Variants in LAMC2 observed in about 807,000 individuals in gnomAD.
LAMC2 encodes the protein laminin subunit gamma 2, also known as laminin subunit gamma-2.
A neutral mutation model predicts 140.2 loss-of-function variants in LAMC2; 97 were observed. The ratio of observed to expected loss-of-function variants is 0.69; its 90% CI spans 0.59 to 0.82. The LOEUF is 0.82. Among genes scored for constraint, LAMC2 ranks in the 40% least tolerant of loss-of-function variants. The pLI, the probability that LAMC2 is intolerant of heterozygous loss-of-function variation, is 0.00. For synonymous variants in LAMC2, 513 were observed against 540.2 expected, an observed-to-expected ratio of 0.95 and a Z score of 0.70; for missense variants, 1,402 against 1,476.1, an observed-to-expected ratio of 0.95 and a Z score of 0.82.
rs141968850 is a variant in LAMC2 at position 183,244,030 on chromosome 1, C to G, written c.*630C>G. ...GGCCCATTCAGAGCTATGGTGCTTGCTGGTGCCTGCCACCTTCAAGTTCTG... is the reference window on the plus strand; with the variant it reads ...GGCCCATTCAGAGCTATGGTGCTTGGTGGTGCCTGCCACCTTCAAGTTCTG... On this transcript the variant is annotated 3_prime_UTR_variant, in exon 23 of 23. Transcript: ENST00000264144. The G allele has an allele frequency of 4.1e-4, 62 of 153,030 alleles. No homozygotes were observed. Among genetic ancestry groups the G allele is most frequent in the Non-Finnish European group, 7.2e-4 (49 of 68,380 alleles). 9.5% of individuals were successfully genotyped at this position (153,030 alleles called of 1,614,324 possible).
intron 3 of LAMC2, among the ~76,000 whole-genome samples, chr1:183,216,788 T>C (rs1485461208): frequency 6.6e-6 from 1 of 152,202 alleles, no homozygotes. Context: ...CTGTCTTGTT[T>C]GCTTCTGTGT....
chr1:183,232,491 T>A, intron 13 of LAMC2, 148 bp downstream of exon 13: 2 of 1,116,154 alleles, frequency 1.8e-6, no homozygotes, highest in Non-Finnish European at 2.7e-6. Context: ...GTCTGTGGCA[T>A]TCCCCCTGGG....
rs1411370829 is a variant in LAMC2, at chr1:183,199,439, T to TCCTTCTTTCCTTCCTTCCTCCCTCCCTC, written c.80-8441_80-8414dup. 1.1e-4 allele frequency among the ~76,000 whole-genome samples: 17 copies of TCCTTCTTTCCTTCCTTCCTCCCTCCCTC among 151,886 alleles called. No homozygotes were observed. In the East Asian group the frequency reaches 3.1e-3, roughly 28 times the overall value. On this transcript the variant is annotated intron_variant, in intron 1 of 22. Coordinates refer to ENST00000264144, the MANE Select transcript of LAMC2 (RefSeq NM_005562.3). ...CTTCCTTTCTCCTTCCTTCCTTCCT[T>TCCTTCTTTCCTTCCTTCCTCCCTCCCTC]CCTTCTTTCCTTCCTTCCTCCCTCC...
chr1:183,253,921 G>T, the LAMC2 span, among the ~76,000 whole-genome samples: 1 of 151,644 alleles, frequency 6.6e-6, no homozygotes, highest in Non-Finnish European at 1.5e-5. Flanking sequence ...GTGTGTGTGT[G>T]TGTGTGTGTG....
rs1272875104 is a variant in LAMC2 at position 183,226,562 on chromosome 1, C to T, written c.1067-136C>T. The T allele has an allele frequency of 1.8e-5, 14 of 776,522 alleles. No individual in the cohort carries two copies. In the South Asian group the frequency reaches 2.1e-4, roughly 11 times the overall value. 48.1% of individuals were successfully genotyped at this position (776,522 alleles called of 1,614,324 possible). Reference sequence around the variant, plus strand: ...CAGTCACAGTGGGAGACTGCCATACCTCTCTACATGGCATGATATATGAAC... The same window carrying T: ...CAGTCACAGTGGGAGACTGCCATACTTCTCTACATGGCATGATATATGAAC... On this transcript the variant is annotated intron_variant, in intron 8 of 22. Coordinates refer to ENST00000264144, the MANE Select transcript of LAMC2 (RefSeq NM_005562.3).
chr1:183,257,751 CT>C, the LAMC2 span, among the ~76,000 whole-genome samples: 37 of 145,576 alleles, frequency 2.5e-4, no homozygotes, highest in African/African-American at 9.1e-4. Flanking sequence ...ATATTTGAGT[CT>C]TTTTTTCAGT....
intron 4 of LAMC2, among the ~76,000 whole-genome samples, chr1:183,219,024 A>G (rs983483937): frequency 1.4e-4 from 21 of 152,334 alleles, no homozygotes; most frequent in African/African-American, 4.6e-4. Context: ...CCTTTGGGCC[A>G]AGCCACACTG....
chr1:183,236,449 C>T lies in LAMC2; in HGVS notation c.2457-11C>T. ...TTTTTATTACCGCCCCCTCCCCACC[C>T]CCAACACCAGATTGGAGAAAACCAA... On this transcript the variant is annotated splice_polypyrimidine_tract_variant and intron_variant, in intron 16 of 22. Transcript: ENST00000264144. 6.2e-7 allele frequency: 1 copy of T among 1,613,534 alleles called. No individual in the cohort carries two copies.
chr1:183,256,585 T>C, the LAMC2 span, among the ~76,000 whole-genome samples: 1 of 152,246 alleles, frequency 6.6e-6, no homozygotes, highest in Non-Finnish European at 1.5e-5. Context: ...AGTCTATTTA[T>C]GTGATGTATC....
At chr1:183,202,443 C>T (rs779326614) in intron 1 of LAMC2, among the ~76,000 whole-genome samples, 5 of 151,872 alleles carry the variant, frequency 3.3e-5, no homozygotes, top group African/African-American at 7.3e-5. Context: ...CAAAATCTAC[C>T]GATGAGGTAC....
chr1:183,239,112 T>G (rs1287557740), intron 19 of LAMC2, among the ~76,000 whole-genome samples: 2 of 152,184 alleles, frequency 1.3e-5, no homozygotes, highest in African/African-American at 4.8e-5. Flanking sequence ...GATGCACTCT[T>G]CAGTTTCAAT....
chr1:183,245,239 A>T (rs981581919), downstream of LAMC2, among the ~76,000 whole-genome samples: 1 of 152,212 alleles, frequency 6.6e-6, no homozygotes, highest in Non-Finnish European at 1.5e-5. Context: ...CATGCTTTTT[A>T]AGAAGTTAAA....
chr1:183,224,785 T>G (rs899491466), intron 7 of LAMC2, among the ~76,000 whole-genome samples: 20 of 152,192 alleles, frequency 1.3e-4, no homozygotes, highest in African/African-American at 4.8e-4. Flanking sequence ...TTACATGTTC[T>G]TCCTTTGTAT....
chr1:183,215,732 C>T, intron 3 of LAMC2, 144 bp downstream of exon 3: 3 of 950,794 alleles, frequency 3.2e-6, no homozygotes, highest in Middle Eastern at 2.9e-4. Context: ...CTACTTTAAT[C>T]CTCACAATAC....
chr1:183,257,786 G>GTT, the LAMC2 span, among the ~76,000 whole-genome samples: 1 of 116,824 alleles, frequency 8.6e-6, no homozygotes, highest in African/African-American at 3.0e-5. Flanking sequence ...TGTCAATTTT[G>GTT]TTTTTTTTTT....
the LAMC2 span, chr1:183,252,780 C>T: frequency 6.7e-7 from 1 of 1,492,754 alleles, no homozygotes; most frequent in African/African-American, 1.4e-5. Context: ...TGGACATCCA[C>T]ACCCAAAGCA....
chr1:183,246,261 T>C (rs1660241081), downstream of LAMC2, among the ~76,000 whole-genome samples: 1 of 152,086 alleles, frequency 6.6e-6, no homozygotes, highest in Admixed American at 6.6e-5. Context: ...AAATGACTTA[T>C]GGTACTTCCC....
intron 2 of LAMC2, among the ~76,000 whole-genome samples, chr1:183,212,480 T>C (rs780588103): frequency 6.6e-6 from 1 of 152,104 alleles, no homozygotes; most frequent in Non-Finnish European, 1.5e-5. Context: ...CCTCCCTGCC[T>C]TCCATTGCTC....
intron 22 of LAMC2, among the ~76,000 whole-genome samples, chr1:183,242,668 T>C (rs1057272519): frequency 2.0e-5 from 3 of 152,236 alleles, no homozygotes; most frequent in Admixed American, 6.5e-5. Context: ...TACCTTGGCC[T>C]CTATAACCCT....
Sources: gnomAD v4.1 joint callset for allele counts (sites outside exome capture counted in the v4.1 genomes callset) on GRCh38, gnomAD v4.1.1 for gene constraint, MANE v1.5 for transcripts, NCBI Gene and HGNC (gene_info 2026-07-23, HGNC 2026-07-21) for gene names.